The following SLC22A23 variants were observed in gnomAD, a reference collection of about 807,000 sequenced individuals.
SLC22A23 encodes the protein ion transporter protein.
In SLC22A23, 26 loss-of-function variants were observed where a neutral mutation model predicts 61.0. The ratio of observed to expected loss-of-function variants is 0.43; its 90% CI spans 0.31 to 0.59. The LOEUF is 0.59. Among genes scored for constraint, SLC22A23 ranks in the 20% least tolerant of loss-of-function variants. The pLI is 0.11. For synonymous variants in SLC22A23, 430 were observed against 413.9 expected (o/e 1.04, Z -0.47); for missense variants, 796 against 934.7 (o/e 0.85, Z 1.94).
At chr6:3,391,860 G>T (rs1372592335) in intron 3 of SLC22A23, among the ~76,000 whole-genome samples, 1 of 151,892 alleles carries the variant, frequency 6.6e-6, no homozygotes, top group Non-Finnish European at 1.5e-5. Flanking sequence ...GACCAGGCCT[G>T]CAGAGGTCTG....
intron 3 of SLC22A23, among the ~76,000 whole-genome samples, chr6:3,370,652 T>G (rs1766157660): frequency 6.6e-6 from 1 of 152,250 alleles, no homozygotes; most frequent in Non-Finnish European, 1.5e-5. Context: ...AAACTCCAAG[T>G]TGAGCAAGTC....
At chr6:3,311,033 G>C (rs940209937) in intron 4 of SLC22A23, among the ~76,000 whole-genome samples, 1 of 152,232 alleles carries the variant, frequency 6.6e-6, no homozygotes, top group Non-Finnish European at 1.5e-5. Flanking sequence ...CGCCATTCAC[G>C]GGCTAAACAT....
chr6:3,453,568 A>C (rs541360796), intron 1 of SLC22A23, among the ~76,000 whole-genome samples: 1 of 152,308 alleles, frequency 6.6e-6, no homozygotes, highest in Non-Finnish European at 1.5e-5. Flanking sequence ...CATGAGAAAG[A>C]GGTCCAGAAC....
chr6:3,334,955 T>C (rs1218169341), intron 3 of SLC22A23, among the ~76,000 whole-genome samples: 1 of 152,210 alleles, frequency 6.6e-6, no homozygotes, highest in Non-Finnish European at 1.5e-5. Flanking sequence ...CCTCTCACCA[T>C]ATTGCCTTTG....
chr6:3,345,614 C>T (rs1764391372), intron 3 of SLC22A23, among the ~76,000 whole-genome samples: 1 of 152,136 alleles, frequency 6.6e-6, no homozygotes, highest in Admixed American at 6.5e-5. Flanking sequence ...ATCCTCCCGC[C>T]TCAGCCTGCC....
intron 5 of SLC22A23, among the ~76,000 whole-genome samples, chr6:3,294,710 T>A (rs552290203): frequency 6.6e-6 from 1 of 152,190 alleles, no homozygotes; most frequent in Non-Finnish European, 1.5e-5. Flanking sequence ...GGGCACGTTA[T>A]GTGATATGAA....
At position 3,410,276 on chromosome 6, in the gene SLC22A23, T is replaced by TG; in HGVS notation, c.824dup (p.Leu276ThrfsTer15). On this transcript the variant is annotated frameshift_variant, in exon 3 of 10. Coordinates refer to ENST00000406686, the MANE Select transcript of SLC22A23 (RefSeq NM_015482.2). LOFTEE classifies it high-confidence loss of function. The surrounding 1 kb of genome is among the most constrained non-coding windows in gnomAD (Gnocchi z 5.0). The stretch of plus-strand genomic sequence containing the variant: ...TGAACATTGTCACATTCACTGACAG[T>TG]GCCACAGTCAGTCCAAAGATCAGAA... 1 of 1,613,936 alleles carries TG rather than the reference T, an allele frequency of 6.2e-7. No homozygotes were observed. Among genetic ancestry groups the TG allele is most frequent in the Non-Finnish European group, 8.5e-7 (1 of 1,179,964 alleles).
intron 1 of SLC22A23, among the ~76,000 whole-genome samples, chr6:3,423,923 C>A (rs1341565374): frequency 6.6e-6 from 1 of 152,036 alleles, no homozygotes; most frequent in Non-Finnish European, 1.5e-5. Flanking sequence ...AAGACTGTAA[C>A]GACCCAGGTG....
intron 2 of SLC22A23, 93 bp downstream of exon 2, chr6:3,415,659 G>A: frequency 1.1e-6 from 1 of 883,360 alleles, no homozygotes; most frequent in Non-Finnish European, 1.8e-6. Flanking sequence ...GGAAAAGACA[G>A]TCATGGTAAG....
intron 1 of SLC22A23, chr6:3,432,151 G>A (rs767704514): frequency 2.3e-5 from 22 of 949,966 alleles, no homozygotes; most frequent in Non-Finnish European, 2.8e-5. Context: ...GTGTAGAGGC[G>A]GTAGTGCTAG....
At chr6:3,291,917 TAAAG>T (rs1251242540) in intron 5 of SLC22A23, 1 of 152,186 alleles carries the variant, frequency 6.6e-6, no homozygotes, top group Non-Finnish European at 1.5e-5. Context: ...AGTATGATGT[TAAAG>T]AAGCAATAAC....
chr6:3,361,064 C>A (rs1232818380), intron 3 of SLC22A23, among the ~76,000 whole-genome samples: 1 of 145,894 alleles, frequency 6.9e-6, no homozygotes, highest in South Asian at 2.2e-4. Context: ...ACCCACCCCC[C>A]CCATTTTATG....
At chr6:3,373,847 G>A (rs1267515874) in intron 3 of SLC22A23, among the ~76,000 whole-genome samples, 2 of 152,152 alleles carry the variant, frequency 1.3e-5, no homozygotes, top group African/African-American at 2.4e-5. Flanking sequence ...TGATGATGAT[G>A]GCAGTAACAG....
At chr6:3,339,783 A>T (rs972575644) in intron 3 of SLC22A23, among the ~76,000 whole-genome samples, 4 of 152,224 alleles carry the variant, frequency 2.6e-5, no homozygotes, top group African/African-American at 9.6e-5. Context: ...TTAGCATATC[A>T]TCAAAAAATA....
intron 1 of SLC22A23, among the ~76,000 whole-genome samples, chr6:3,443,460 A>C (rs1404098873): frequency 6.6e-6 from 1 of 152,184 alleles, no homozygotes; most frequent in East Asian, 1.9e-4. Context: ...CTAGAAGAGA[A>C]GCCTCAGGAG....
chr6:3,279,509 CAAAA>C (rs10642564), intron 9 of SLC22A23, among the ~76,000 whole-genome samples: 52 of 36,012 alleles, frequency 1.4e-3, no homozygotes, highest in Admixed American at 1.8e-3. Flanking sequence ...GGCTCCGTCT[CAAAA>C]AAAAAAAAAA....
rs1024639629 is a variant in SLC22A23, at chr6:3,284,036, G to C, written c.1580-61C>G. The C allele has an allele frequency of 3.3e-6, 5 of 1,526,912 alleles. No individual in the cohort carries two copies. The African/African-American group carries it at 5.5e-5, about 17-fold the overall frequency. The allele number at this position is 1,526,912 out of a possible 1,614,324, so 94.6% of individuals were successfully genotyped here. On this transcript the variant is annotated intron_variant, in intron 8 of 9. Coordinates refer to ENST00000406686, the MANE Select transcript of SLC22A23 (RefSeq NM_015482.2). ...GAGGAAGCCAGGCCAGGGTGGGAGG[G>C]AGGCCTGGGGCTGCACAGCACAGCT...
intron 4 of SLC22A23, among the ~76,000 whole-genome samples, chr6:3,300,086 C>A (rs1761484211): frequency 7.0e-6 from 1 of 143,384 alleles, no homozygotes; most frequent in Non-Finnish European, 1.5e-5. Context: ...TCTCAGCTCA[C>A]TGCAACCTCC....
At chr6:3,275,656 C>T (rs1758825114) in intron 9 of SLC22A23, among the ~76,000 whole-genome samples, 1 of 152,182 alleles carries the variant, frequency 6.6e-6, no homozygotes, top group Admixed American at 6.5e-5. Flanking sequence ...GATCTCGGCT[C>T]ACTGCAAGCT....
Sources: gnomAD v4.1 joint callset for allele counts (sites outside exome capture counted in the v4.1 genomes callset) on GRCh38, gnomAD v4.1.1 for gene constraint, Gnocchi (gnomAD v3.1) non-coding constraint, MANE v1.5 for transcripts, NCBI Gene and HGNC (gene_info 2026-07-23, HGNC 2026-07-21) for gene names.